COG5: variants seen among roughly 807,000 people sequenced by gnomAD.
COG5 encodes conserved oligomeric Golgi complex subunit 5.
COG5 carries 86 observed loss-of-function variants against 110.4 expected under a neutral mutation model. The observed-to-expected ratio is 0.78, with a 90% CI of 0.65 to 0.93. The LOEUF (loss-of-function observed/expected upper bound fraction) is 0.93, where lower values mean the gene tolerates loss of function less well. Ranked by LOEUF, COG5 falls within the 40% of genes least tolerant of loss-of-function variation. The probability of loss-of-function intolerance (pLI) is 0.00; values close to 1 mark genes in which losing one functional copy is unlikely to be tolerated. For synonymous variants in COG5, 360 were observed against 334.6 expected, an observed-to-expected ratio of 1.08 and a Z score of -0.83; for missense variants, 1,077 against 987.0, an observed-to-expected ratio of 1.09 and a Z score of -1.22.
At position 107,427,958 on chromosome 7, in the gene COG5, C is replaced by T. The variant is rs533970970; in HGVS notation, c.539-15326G>A. Among the ~76,000 whole-genome samples, 79 of 151,972 alleles carry T rather than the reference C, an allele frequency of 5.2e-4. 2 individuals are homozygous for T. The South Asian group carries it at 0.01, about 20-fold the overall frequency. On this transcript the variant is annotated intron_variant, in intron 6 of 21. Transcript: ENST00000297135. ...ATCTCTCCTTCAGTGTGGCTGGGTC[C>T]GAAGCTTTTATGGGCTCAGAATGGG... is the stretch of plus-strand genomic sequence containing the variant.
intron 6 of COG5, chr7:107,475,349 T>G (rs773288364): frequency 6.6e-7 from 1 of 1,507,212 alleles, no homozygotes; most frequent in East Asian, 2.3e-5. Context: ...GTGCCTCAGG[T>G]TGTCACAGAC....
At chr7:107,303,164 C>A (rs1807419406) in intron 11 of COG5, among the ~76,000 whole-genome samples, 1 of 151,978 alleles carries the variant, frequency 6.6e-6, no homozygotes, top group Admixed American at 6.6e-5. Context: ...GATCCTCCCA[C>A]CTCGGCCACC....
At chr7:107,239,323 T>C (rs1801440439) in intron 17 of COG5, among the ~76,000 whole-genome samples, 1 of 152,214 alleles carries the variant, frequency 6.6e-6, no homozygotes, top group Non-Finnish European at 1.5e-5. Context: ...CATTGGTCAA[T>C]GCCAGCGCAC....
chr7:107,369,632 G>A (rs1041961654), intron 8 of COG5, among the ~76,000 whole-genome samples: 1 of 151,774 alleles, frequency 6.6e-6, no homozygotes. Flanking sequence ...CAAGTGATCT[G>A]CCCACCTCAG....
chr7:107,550,236 T>C (rs907269049), intron 3 of COG5, among the ~76,000 whole-genome samples: 1 of 152,180 alleles, frequency 6.6e-6, no homozygotes, highest in African/African-American at 2.4e-5. Context: ...CAGCTTTGCC[T>C]ACATTTTACT....
chr7:107,503,942 G>C (rs921962427), intron 6 of COG5, among the ~76,000 whole-genome samples: 7 of 123,176 alleles, frequency 5.7e-5, no homozygotes, highest in African/African-American at 2.7e-4. Context: ...AGTGAACAGT[G>C]ATAGTTTGAC....
chr7:107,340,341 G>A (rs1811069945), intron 10 of COG5, among the ~76,000 whole-genome samples: 1 of 152,076 alleles, frequency 6.6e-6, no homozygotes, highest in Admixed American at 6.6e-5. Flanking sequence ...CTGGAACCCT[G>A]AACAGACCAA....
intron 17 of COG5, among the ~76,000 whole-genome samples, chr7:107,246,894 A>G (rs1191132677): frequency 6.6e-6 from 1 of 152,230 alleles, no homozygotes; most frequent in South Asian, 2.1e-4. Context: ...AATATAAATC[A>G]TTCTACCATA....
chr7:107,250,445 T>C (rs1319400833), intron 16 of COG5, among the ~76,000 whole-genome samples: 1 of 140,630 alleles, frequency 7.1e-6, no homozygotes, highest in Admixed American at 7.1e-5. Flanking sequence ...TAAAAAAAGG[T>C]AAAAAAAAAA....
intron 10 of COG5, among the ~76,000 whole-genome samples, chr7:107,358,358 A>G (rs529645078): frequency 6.6e-6 from 1 of 152,346 alleles, no homozygotes; most frequent in South Asian, 2.1e-4. Flanking sequence ...GTCTGTAAAT[A>G]TGAAGGCCCA....
chr7:107,204,686 A>G (rs140409586), intron 21 of COG5, among the ~76,000 whole-genome samples: 1 of 152,264 alleles, frequency 6.6e-6, no homozygotes, highest in Non-Finnish European at 1.5e-5. Flanking sequence ...TGTGGGGAAA[A>G]CATTTCCCCA....
chr7:107,506,708 C>A (rs1374861939), intron 6 of COG5, among the ~76,000 whole-genome samples: 1 of 152,218 alleles, frequency 6.6e-6, no homozygotes, highest in Non-Finnish European at 1.5e-5. Context: ...AAGCCATATG[C>A]CTTCCCTGCG....
intron 6 of COG5, among the ~76,000 whole-genome samples, chr7:107,489,122 T>C (rs537323996): frequency 3.3e-5 from 5 of 152,314 alleles, no homozygotes; most frequent in Admixed American, 6.5e-5. Flanking sequence ...TTACAGTGTA[T>C]GTACTTTTTT....
intron 1 of COG5, among the ~76,000 whole-genome samples, chr7:107,563,180 C>T (rs1339581913): frequency 6.6e-6 from 1 of 152,082 alleles, no homozygotes; most frequent in African/African-American, 2.4e-5. Flanking sequence ...CAACTTCTCT[C>T]CAAACTGACT....
intron 6 of COG5, among the ~76,000 whole-genome samples, chr7:107,449,331 A>G (rs1227002374): frequency 6.6e-6 from 1 of 152,204 alleles, no homozygotes; most frequent in East Asian, 1.9e-4. Flanking sequence ...CATTCTGCAC[A>G]TGTATCCAAG....
intron 12 of COG5, among the ~76,000 whole-genome samples, chr7:107,285,491 A>AT (rs949597668): frequency 1.3e-5 from 2 of 152,182 alleles, no homozygotes; most frequent in Admixed American, 1.3e-4. Flanking sequence ...AAAAGTCTAC[A>AT]TTTATAATAA....
At chr7:107,493,709 C>T (rs1351471381) in intron 6 of COG5, among the ~76,000 whole-genome samples, 3 of 152,014 alleles carry the variant, frequency 2.0e-5, no homozygotes, top group African/African-American at 4.8e-5. Context: ...GAAACAAGAC[C>T]GAACTTAAAC....
intron 10 of COG5, among the ~76,000 whole-genome samples, chr7:107,331,051 A>G (rs1810195307): frequency 1.3e-5 from 2 of 152,178 alleles, no homozygotes; most frequent in South Asian, 4.1e-4. Context: ...GCATTCAGCA[A>G]AGAGGGAGGA....
At chr7:107,296,317 C>T (rs1806744446) in intron 12 of COG5, among the ~76,000 whole-genome samples, 1 of 151,882 alleles carries the variant, frequency 6.6e-6, no homozygotes, top group Non-Finnish European at 1.5e-5. Context: ...ATTTCTAGAC[C>T]TTTTTTAGTA....
Sources: gnomAD v4.1 joint callset for allele counts (sites outside exome capture counted in the v4.1 genomes callset) on GRCh38, gnomAD v4.1.1 for gene constraint, MANE v1.5 for transcripts, NCBI Gene and HGNC (gene_info 2026-07-23, HGNC 2026-07-21) for gene names.